Variants in AKAP13 observed in about 807,000 individuals in gnomAD.
AKAP13 encodes A-kinase anchoring protein 13, also known as A-kinase anchor protein 13.
Under a neutral mutation model 264.5 loss-of-function variants are expected in AKAP13, and 80 were observed. That is an observed-to-expected ratio of 0.30 (90% confidence interval 0.25 to 0.36). AKAP13 has a LOEUF of 0.36. AKAP13 is among the 10% of genes least tolerant of loss of function. The pLI is 1.00. For synonymous variants in AKAP13, 1,380 were observed against 1,250.2 expected (o/e 1.10, Z -2.19); for missense variants, 3,712 against 3,435.2 (o/e 1.08, Z -2.01).
chr15:85,415,333 A>G (rs2072190991), intron 1 of AKAP13: 1 of 1,576,862 alleles, frequency 6.3e-7, no homozygotes, highest in South Asian at 1.1e-5. Flanking sequence ...CGAAAAATGG[A>G]CACAATAGCC....
intron 1 of AKAP13, among the ~76,000 whole-genome samples, chr15:85,456,080 T>C (rs541562579): frequency 1.5e-4 from 23 of 152,352 alleles, no homozygotes; most frequent in African/African-American, 5.1e-4. Context: ...TTATTTGTCT[T>C]GCTGCAAACA....
intron 1 of AKAP13, among the ~76,000 whole-genome samples, chr15:85,439,616 T>C (rs1308477302): frequency 7.0e-6 from 1 of 142,792 alleles, no homozygotes; most frequent in Admixed American, 7.0e-5. Context: ...GTGGCACATA[T>C]ACACCATGGA....
chr15:85,691,945 A>T, intron 16 of AKAP13: 1 of 459,320 alleles, frequency 2.2e-6, no homozygotes, highest in South Asian at 1.5e-5. Flanking sequence ...ACCCCTAGGT[A>T]CTCAGGGTAG....
chr15:85,742,905 T>C (rs1018965613), intron 35 of AKAP13, among the ~76,000 whole-genome samples: 3 of 151,986 alleles, frequency 2.0e-5, no homozygotes, highest in African/African-American at 7.3e-5. Context: ...GCAAATGCCA[T>C]GTGTTGCTTT....
At chr15:85,726,985 G>C in intron 27 of AKAP13, 81 bp from the exon 28 acceptor site, 1 of 1,509,966 alleles carries the variant, frequency 6.6e-7, no homozygotes, top group Non-Finnish European at 9.1e-7. Flanking sequence ...ACAGCATCTG[G>C]TCTTACCTTA....
Position 85,735,053 on chromosome 15 carries a change from CA to C in AKAP13, c.7345del (p.Ser2449AlafsTer28). 6.2e-7 allele frequency: 1 copy of C among 1,614,252 alleles called. No homozygotes were observed. The highest frequency in any genetic ancestry group is 8.5e-7 in the Non-Finnish European group (1 of 1,180,036). ...GAGGCACACTTGGGCCGACTGTCAG[CA>C]GCCCCATTGAGCAAGATGTGGTCGG... is the stretch of plus-strand genomic sequence containing the variant. ...LGGTLGPTVS[S>X]PIEQDVVGPV... On this transcript the variant is annotated frameshift_variant, in exon 31 of 37. Coordinates refer to ENST00000394518, the MANE Select transcript of AKAP13 (RefSeq NM_007200.5). LOFTEE classifies it high-confidence loss of function.
At chr15:85,520,763 T>G (rs763963440) in intron 2 of AKAP13, 20 of 514,254 alleles carry the variant, frequency 3.9e-5, no homozygotes, top group Admixed American at 2.6e-4. Flanking sequence ...CAGTCATGTG[T>G]TGTTTAAACT....
At chr15:85,637,485 C>G (rs1276503839) in intron 8 of AKAP13, among the ~76,000 whole-genome samples, 1 of 152,134 alleles carries the variant, frequency 6.6e-6, no homozygotes, top group Non-Finnish European at 1.5e-5. Flanking sequence ...AATGGTGTCA[C>G]TCTGTAATTC....
chr15:85,640,482 C>G (rs2082260009), intron 9 of AKAP13, among the ~76,000 whole-genome samples: 3 of 152,304 alleles, frequency 2.0e-5, no homozygotes, highest in African/African-American at 7.2e-5. Context: ...TGATTGTCAA[C>G]TCTCTAACTT....
intron 16 of AKAP13, among the ~76,000 whole-genome samples, chr15:85,689,361 G>A (rs1390085150): frequency 6.6e-6 from 1 of 152,174 alleles, no homozygotes; most frequent in East Asian, 1.9e-4. Context: ...CATGACAGTT[G>A]TTTGATCATA....
chr15:85,740,780 C>A (rs1226879618), intron 34 of AKAP13, among the ~76,000 whole-genome samples: 5 of 123,736 alleles, frequency 4.0e-5, no homozygotes, highest in Non-Finnish European at 8.6e-5. Flanking sequence ...CAACCACCCC[C>A]CCCCCCACCC....
At chr15:85,504,512 A>AAAAAAAAAAAAAG in intron 2 of AKAP13, among the ~76,000 whole-genome samples, 1 of 33,014 alleles carries the variant, frequency 3.0e-5, no homozygotes, top group Non-Finnish European at 7.9e-5. Flanking sequence ...ACAAAAAAAA[A>AAAAAAAAAAAAAG]AAAAAAAAAA....
intron 21 of AKAP13, 120 bp downstream of exon 21, chr15:85,717,522 C>A (rs545239272): frequency 2.8e-6 from 2 of 719,560 alleles, no homozygotes; most frequent in Non-Finnish European, 4.6e-6. Flanking sequence ...CGTGAAGATT[C>A]TCTAAATTGT....
intron 10 of AKAP13, among the ~76,000 whole-genome samples, chr15:85,647,750 C>T (rs2082620595): frequency 6.6e-6 from 1 of 152,066 alleles, no homozygotes; most frequent in African/African-American, 2.4e-5. Flanking sequence ...TCGAGACCAT[C>T]CTGGCTAACA....
intron 8 of AKAP13, among the ~76,000 whole-genome samples, chr15:85,622,122 G>A (rs1034228455): frequency 7.2e-5 from 11 of 152,090 alleles, no homozygotes; most frequent in Admixed American, 2.6e-4. Flanking sequence ...TGCGAGCCAC[G>A]GGTTACAGTC....
intron 9 of AKAP13, among the ~76,000 whole-genome samples, chr15:85,640,610 A>G (rs1248923006): frequency 2.0e-5 from 3 of 152,184 alleles, no homozygotes; most frequent in Admixed American, 2.0e-4. Flanking sequence ...CAAGTTTTAC[A>G]AGATTGGCCC....
intron 4 of AKAP13, 161 bp downstream of exon 4, chr15:85,534,041 T>TAGA (rs2077316322): frequency 1.4e-6 from 1 of 722,058 alleles, no homozygotes; most frequent in South Asian, 2.2e-5. Flanking sequence ...GCATCTCTTC[T>TAGA]AGGTTCTTCA....
intron 1 of AKAP13, among the ~76,000 whole-genome samples, chr15:85,405,373 C>T (rs72752596): frequency 0.048 from 7,258 of 152,076 alleles, 259 homozygotes; most frequent in Non-Finnish European, 0.075. Context: ...TTTGTATCCA[C>T]GAAACAAATG....
chr15:85,504,503 CAAAAAAAAAAAAAAAAAA>C (rs566579814), intron 2 of AKAP13, among the ~76,000 whole-genome samples: 3 of 91,046 alleles, frequency 3.3e-5, no homozygotes, highest in South Asian at 4.8e-4. Flanking sequence ...CCTGTCTTTA[CAAAAAAAAAAAAAAAAAA>C]AAAAAAAAAA....
Sources: allele counts gnomAD v4.1 joint callset (sites outside exome capture counted in the v4.1 genomes callset), GRCh38; gene constraint gnomAD v4.1.1; transcripts MANE v1.5; gene names NCBI Gene and HGNC (gene_info 2026-07-23, HGNC 2026-07-21).